The following TAFA2 variants were observed in gnomAD, a reference collection of about 807,000 sequenced individuals.
The protein encoded by TAFA2 is TAFA chemokine like family member 2, also known as chemokine-like protein TAFA-2.
TAFA2 carries 7 observed loss-of-function variants against 18.8 expected under a neutral mutation model. The ratio of observed to expected loss-of-function variants is 0.37; its 90% CI spans 0.21 to 0.70. The LOEUF (loss-of-function observed/expected upper bound fraction) is 0.70, where lower values mean the gene tolerates loss of function less well. Ranked by LOEUF, TAFA2 falls within the 30% of genes least tolerant of loss-of-function variation. The probability of loss-of-function intolerance (pLI) is 0.53; values close to 1 mark genes in which losing one functional copy is unlikely to be tolerated. For missense variants in TAFA2, 122 were observed against 158.1 expected (o/e 0.77, Z 1.23); for synonymous variants, 60 against 54.2 (o/e 1.11, Z -0.47).
intron 1 of TAFA2, among the ~76,000 whole-genome samples, chr12:61,898,866 G>C (rs1384383266): frequency 3.3e-5 from 5 of 152,134 alleles, no homozygotes; most frequent in Non-Finnish European, 7.3e-5. Context: ...TACATCATCA[G>C]GCTGCAACTT....
At chr12:61,912,401 A>T (rs959011333) in intron 1 of TAFA2, among the ~76,000 whole-genome samples, 6 of 152,236 alleles carry the variant, frequency 3.9e-5, no homozygotes, top group African/African-American at 1.4e-4. Flanking sequence ...GAAATAAAAT[A>T]CATTGTGAAA....
chr12:61,927,484 C>T (rs1180455404), intron 1 of TAFA2, among the ~76,000 whole-genome samples: 2 of 152,188 alleles, frequency 1.3e-5, no homozygotes, highest in East Asian at 3.9e-4. Flanking sequence ...TCAAGGAGAA[C>T]TACAAAACTG....
chr12:62,107,057 T>C (rs1187526788), intron 1 of TAFA2, among the ~76,000 whole-genome samples: 1 of 152,208 alleles, frequency 6.6e-6, no homozygotes, highest in Non-Finnish European at 1.5e-5. Flanking sequence ...GATTTCATTT[T>C]CTTATATTGT....
chr12:62,181,715 C>T (rs975562029), intron 1 of TAFA2, among the ~76,000 whole-genome samples: 15 of 152,142 alleles, frequency 9.9e-5, no homozygotes, highest in African/African-American at 3.4e-4. Flanking sequence ...GACATGAGGT[C>T]CTAGACAGCA....
chr12:62,093,747 C>A (rs1249855272), intron 1 of TAFA2, among the ~76,000 whole-genome samples: 1 of 151,966 alleles, frequency 6.6e-6, no homozygotes, highest in African/African-American at 2.4e-5. Flanking sequence ...CCTCAGAGGG[C>A]CATGTGTTCA....
At chr12:61,991,913 G>T (rs1020520187) in intron 1 of TAFA2, among the ~76,000 whole-genome samples, 1 of 152,146 alleles carries the variant, frequency 6.6e-6, no homozygotes, top group African/African-American at 2.4e-5. Context: ...TCCTGCTTTT[G>T]AAACAGTTCC....
chr12:62,101,418 C>T (rs1312212985), intron 1 of TAFA2, among the ~76,000 whole-genome samples: 1 of 152,128 alleles, frequency 6.6e-6, no homozygotes, highest in Non-Finnish European at 1.5e-5. Context: ...ACTGAATACA[C>T]TTTGCATTTA....
intron 1 of TAFA2, among the ~76,000 whole-genome samples, chr12:61,966,587 A>G (rs1879075452): frequency 6.6e-6 from 1 of 151,912 alleles, no homozygotes; most frequent in Non-Finnish European, 1.5e-5. Context: ...TTTTATTCTT[A>G]TGGGTATGAG....
At chr12:62,220,244 TACAC>T (rs2062755010) in intron 1 of TAFA2, among the ~76,000 whole-genome samples, 1 of 151,914 alleles carries the variant, frequency 6.6e-6, no homozygotes, top group East Asian at 1.9e-4. Flanking sequence ...ATTACAAAAT[TACAC>T]CCACTTACTA....
At chr12:62,006,197 G>A (rs1326828296) in intron 1 of TAFA2, among the ~76,000 whole-genome samples, 1 of 152,074 alleles carries the variant, frequency 6.6e-6, no homozygotes, top group Non-Finnish European at 1.5e-5. Context: ...TGTAAACCAA[G>A]CACATGAGAT....
intron 1 of TAFA2, among the ~76,000 whole-genome samples, chr12:61,943,797 C>A (rs1878144965): frequency 7.9e-6 from 1 of 126,080 alleles, no homozygotes; most frequent in African/African-American, 3.1e-5. Context: ...CACCCAGATT[C>A]ATAAAGCAAG....
At chr12:62,239,261 C>T (rs2062851214) in intron 1 of TAFA2, among the ~76,000 whole-genome samples, 1 of 152,162 alleles carries the variant, frequency 6.6e-6, no homozygotes, top group Non-Finnish European at 1.5e-5. Flanking sequence ...AATCTCATAC[C>T]ACAAGCCCAC....
chr12:62,011,459 T>C (rs1880762783), intron 1 of TAFA2, among the ~76,000 whole-genome samples: 1 of 152,142 alleles, frequency 6.6e-6, no homozygotes, highest in Non-Finnish European at 1.5e-5. Context: ...CCCAACCCCA[T>C]GCTCTCTGAA....
At chr12:62,142,788 G>C (rs2062248800) in intron 1 of TAFA2, among the ~76,000 whole-genome samples, 1 of 152,180 alleles carries the variant, frequency 6.6e-6, no homozygotes, top group Non-Finnish European at 1.5e-5. Flanking sequence ...TCCACCTTTT[G>C]TCAAAGCAGT....
intron 1 of TAFA2, among the ~76,000 whole-genome samples, chr12:62,190,844 A>C (rs925880680): frequency 3.3e-5 from 5 of 152,160 alleles, no homozygotes; most frequent in Non-Finnish European, 7.4e-5. Flanking sequence ...CTTCCCTGGA[A>C]TGCGACCCCC....
chr12:62,185,067 A>G (rs531858308), intron 1 of TAFA2, among the ~76,000 whole-genome samples: 111 of 152,324 alleles, frequency 7.3e-4, no homozygotes, highest in African/African-American at 2.5e-3. Flanking sequence ...CTTCAACTAA[A>G]AAAGTATAAA....
chr12:61,887,759 T>C (rs1875451809), intron 1 of TAFA2, among the ~76,000 whole-genome samples: 1 of 150,754 alleles, frequency 6.6e-6, no homozygotes, highest in African/African-American at 2.4e-5. Context: ...ACAAAGGACA[T>C]GAACTCATCA....
chr12:61,787,776 G>C (rs1870799416), intron 2 of TAFA2, among the ~76,000 whole-genome samples: 2 of 151,494 alleles, frequency 1.3e-5, no homozygotes, highest in Non-Finnish European at 3.0e-5. Flanking sequence ...CAAACAATAA[G>C]AGAGGAATAA....
At chr12:61,898,970 T>C (rs567269559) in intron 1 of TAFA2, among the ~76,000 whole-genome samples, 3 of 152,236 alleles carry the variant, frequency 2.0e-5, no homozygotes, top group African/African-American at 7.2e-5. Context: ...GGTCATCTCA[T>C]TCAAGTTCAA....
Sources: allele counts gnomAD v4.1 joint callset (sites outside exome capture counted in the v4.1 genomes callset), GRCh38; gene constraint gnomAD v4.1.1; transcripts MANE v1.5; gene names NCBI Gene and HGNC (gene_info 2026-07-23, HGNC 2026-07-21).